GEMIN8: variants seen among roughly 807,000 people sequenced by gnomAD.
GEMIN8 encodes the protein gem-associated protein 8.
For missense variants in GEMIN8, 185 were observed against 205.9 expected (o/e 0.90, Z 0.62); for synonymous variants, 80 against 78.5 (o/e 1.02, Z -0.10).
Position 14,007,762 on chromosome X carries a change from C to T in GEMIN8, c.*1151G>A, listed in dbSNP as rs1360178984. ...CAGGATGGTCTCGATCTCCTGATCT[C>T]GTGATCTGCCCACCTCAGCCTCCCA... On this transcript the variant is annotated 3_prime_UTR_variant, in exon 5 of 5. Coordinates refer to ENST00000680255, the MANE Select transcript of GEMIN8 (RefSeq NM_001042479.2). Among the ~76,000 whole-genome samples, 1 of 110,645 alleles carries T rather than the reference C, an allele frequency of 9.0e-6. No individual in the cohort carries two copies. Among genetic ancestry groups the T allele is most frequent in the African/African-American group, 3.3e-5 (1 of 30,368 alleles).
intron 2 of GEMIN8, among the ~76,000 whole-genome samples, chrX:14,022,668 T>C (rs1924450142): frequency 9.0e-6 from 1 of 111,676 alleles, no homozygotes; most frequent in Admixed American, 9.5e-5. Flanking sequence ...AACAAAAATA[T>C]CCAAAAATGC....
the GEMIN8 span, among the ~76,000 whole-genome samples, chrX:13,994,684 T>TTACATTG: frequency 1.8e-5 from 2 of 112,010 alleles, no homozygotes; most frequent in African/African-American, 6.5e-5. Context: ...AATGTGACCC[T>TTACATTG]TACATTGTAC....
At chrX:13,991,722 A>T in the GEMIN8 span, among the ~76,000 whole-genome samples, 2 of 94,058 alleles carry the variant, frequency 2.1e-5, no homozygotes, top group East Asian at 2.9e-4. Flanking sequence ...GCACACACAC[A>T]CTTTTCCCAT....
chrX:14,005,994 G>C (rs1419307275), downstream of GEMIN8, among the ~76,000 whole-genome samples: 2 of 110,424 alleles, frequency 1.8e-5, no homozygotes, highest in East Asian at 2.8e-4. Context: ...GATCCTATCA[G>C]TGAAGACATC....
chrX:14,027,359 C>T (rs1046321792), intron 1 of GEMIN8, among the ~76,000 whole-genome samples: 1 of 112,267 alleles, frequency 8.9e-6, no homozygotes, highest in Middle Eastern at 4.6e-3. Flanking sequence ...ATTTGGACAT[C>T]AAAGATGGCT....
At chrX:14,009,829 G>A (rs1294191734) in intron 4 of GEMIN8, among the ~76,000 whole-genome samples, 1 of 111,687 alleles carries the variant, frequency 9.0e-6, no homozygotes, top group Non-Finnish European at 1.9e-5. Context: ...GATGTGGGGG[G>A]AAAAAATCAC....
chrX:14,014,607 T>A (rs1403239727), intron 4 of GEMIN8: 1 of 591,519 alleles, frequency 1.7e-6, no homozygotes, highest in African/African-American at 2.5e-5. Context: ...TTCAACCTCA[T>A]TGACTAAAGC....
the GEMIN8 span, among the ~76,000 whole-genome samples, chrX:13,993,702 G>A: frequency 9.0e-6 from 1 of 111,281 alleles, no homozygotes; most frequent in African/African-American, 3.3e-5. Context: ...TAGGATTACA[G>A]GTGTGAGCCA....
chrX:13,990,652 A>G, the GEMIN8 span, among the ~76,000 whole-genome samples: 1 of 112,831 alleles, frequency 8.9e-6, no homozygotes, highest in African/African-American at 3.2e-5. Flanking sequence ...TTTTGCATAC[A>G]TAAGTATAAA....
chrX:14,023,982 C>A (rs762852950), intron 2 of GEMIN8, among the ~76,000 whole-genome samples: 31 of 112,293 alleles, frequency 2.8e-4, no homozygotes, highest in Non-Finnish European at 5.4e-4. Context: ...TGAGATCAAA[C>A]ACTACTATAG....
intron 2 of GEMIN8, among the ~76,000 whole-genome samples, chrX:14,022,551 G>A (rs1924443030): frequency 9.0e-6 from 1 of 111,365 alleles, no homozygotes; most frequent in African/African-American, 3.3e-5. Context: ...ATACCCAAAA[G>A]TAATGGCTAA....
intron 4 of GEMIN8, among the ~76,000 whole-genome samples, chrX:14,018,622 G>A (rs1250898574): frequency 5.4e-5 from 6 of 111,921 alleles, no homozygotes; most frequent in African/African-American, 1.9e-4. Flanking sequence ...TGGTTGTTTC[G>A]TATCTATATT....
At chrX:14,014,615 A>G in intron 4 of GEMIN8, 1 of 531,312 alleles carries the variant, frequency 1.9e-6, no homozygotes, top group Non-Finnish European at 2.3e-6. Flanking sequence ...CATTGACTAA[A>G]GCAAGACAGC....
chrX:13,994,568 T>C, the GEMIN8 span, among the ~76,000 whole-genome samples: 2 of 112,600 alleles, frequency 1.8e-5, no homozygotes, highest in Non-Finnish European at 3.7e-5. Flanking sequence ...AAATGGTGGA[T>C]GGATGCTTAA....
intron 4 of GEMIN8, chrX:14,014,479 T>A: frequency 2.7e-6 from 2 of 751,246 alleles, no homozygotes; most frequent in South Asian, 1.4e-4. Context: ...CCTTTCCACT[T>A]TTCTACAGCC....
At chrX:14,016,299 T>G (rs187835743) in intron 4 of GEMIN8, among the ~76,000 whole-genome samples, 17 of 112,188 alleles carry the variant, frequency 1.5e-4, no homozygotes, top group African/African-American at 5.5e-4. Flanking sequence ...ATTGAAAGCT[T>G]GTTTAGGGAC....
chrX:14,021,818 A>ATATATATATATATATATATATATATATAG (rs1924348013), intron 2 of GEMIN8, among the ~76,000 whole-genome samples: 1 of 44,343 alleles, frequency 2.3e-5, no homozygotes, highest in Non-Finnish European at 4.3e-5. Context: ...GTGTGTGTAT[A>ATATATATATATATATATATATATATATAG]TATATATATA....
chrX:14,013,743 G>A (rs767434792), intron 4 of GEMIN8, among the ~76,000 whole-genome samples: 14 of 110,554 alleles, frequency 1.3e-4, no homozygotes, highest in African/African-American at 4.3e-4. Flanking sequence ...GAGGGCGTGT[G>A]GTCCTGTTGA....
chrX:14,018,621 C>T (rs1400956984), intron 4 of GEMIN8, among the ~76,000 whole-genome samples: 1 of 111,870 alleles, frequency 8.9e-6, no homozygotes, highest in Non-Finnish European at 1.9e-5. Flanking sequence ...ATGGTTGTTT[C>T]GTATCTATAT....
Sources: gnomAD v4.1 joint callset for allele counts (sites outside exome capture counted in the v4.1 genomes callset) on GRCh38, gnomAD v4.1.1 for gene constraint, MANE v1.5 for transcripts, NCBI Gene and HGNC (gene_info 2026-07-23, HGNC 2026-07-21) for gene names.